IQCM: variants seen among roughly 807,000 people sequenced by gnomAD.
IQCM encodes IQ domain-containing protein M.
Under a neutral mutation model 57.6 loss-of-function variants are expected in IQCM, and 45 were observed. The ratio of observed to expected loss-of-function variants is 0.78; its 90% CI spans 0.62 to 1.00. The LOEUF is 1.00. IQCM is among the 50% of genes least tolerant of loss of function. The pLI is 0.00. For synonymous variants in IQCM, 148 were observed against 158.9 expected, an observed-to-expected ratio of 0.93 and a Z score of 0.51; for missense variants, 468 against 511.6, an observed-to-expected ratio of 0.91 and a Z score of 0.82.
intron 12 of IQCM, among the ~76,000 whole-genome samples, chr4:149,501,599 AC>A (rs1353493904): frequency 6.6e-6 from 1 of 152,242 alleles, no homozygotes; most frequent in Non-Finnish European, 1.5e-5. Flanking sequence ...CAACAAAAAA[AC>A]AATCTGTAGT....
At chr4:149,403,621 G>A (rs768756365) in intron 13 of IQCM, among the ~76,000 whole-genome samples, 2 of 151,652 alleles carry the variant, frequency 1.3e-5, no homozygotes, top group Non-Finnish European at 2.9e-5. Context: ...ATCAGTTCCT[G>A]TATGAGTCTT....
At chr4:149,785,889 A>T (rs1772038490) in intron 2 of IQCM, among the ~76,000 whole-genome samples, 1 of 151,562 alleles carries the variant, frequency 6.6e-6, no homozygotes, top group Non-Finnish European at 1.5e-5. Flanking sequence ...GGCCTGCTTG[A>T]TGTAGTTTGT....
chr4:149,663,590 A>C (rs1321090787), intron 7 of IQCM, among the ~76,000 whole-genome samples: 1 of 151,856 alleles, frequency 6.6e-6, no homozygotes, highest in Non-Finnish European at 1.5e-5. Context: ...TCTAAAGGAA[A>C]CCTTTGCTAG....
chr4:149,616,109 G>A (rs897541715), intron 8 of IQCM, among the ~76,000 whole-genome samples: 1 of 152,094 alleles, frequency 6.6e-6, no homozygotes, highest in African/African-American at 2.4e-5. Context: ...TACACACCCA[G>A]AAGAAGTAAA....
At chr4:149,456,484 T>C (rs1383451580) in intron 12 of IQCM, among the ~76,000 whole-genome samples, 1 of 152,134 alleles carries the variant, frequency 6.6e-6, no homozygotes. Flanking sequence ...ACACATATCC[T>C]GAAGGTAATT....
chr4:149,805,752 G>GA (rs1774021132), intron 2 of IQCM, among the ~76,000 whole-genome samples: 1 of 151,828 alleles, frequency 6.6e-6, no homozygotes, highest in African/African-American at 2.4e-5. Context: ...TGCTTTGAAG[G>GA]AAAAAAACAG....
intron 5 of IQCM, among the ~76,000 whole-genome samples, chr4:149,705,163 T>C (rs902247628): frequency 6.8e-6 from 1 of 146,528 alleles, no homozygotes; most frequent in East Asian, 2.0e-4. Context: ...ATTATAAATA[T>C]ATAAAAATAT....
chr4:149,359,801 C>G (rs1439503994), intron 13 of IQCM, among the ~76,000 whole-genome samples: 1 of 152,142 alleles, frequency 6.6e-6, no homozygotes, highest in African/African-American at 2.4e-5. Flanking sequence ...TTGGCTACTT[C>G]CTGTGAACAC....
At chr4:149,592,744 T>C (rs982119956) in intron 8 of IQCM, among the ~76,000 whole-genome samples, 16 of 152,234 alleles carry the variant, frequency 1.1e-4, no homozygotes, top group Admixed American at 2.0e-4. Flanking sequence ...TTTTGTCAGG[T>C]TTGTCAAAGA....
chr4:149,632,947 G>A (rs568596377), intron 7 of IQCM, among the ~76,000 whole-genome samples: 1 of 150,866 alleles, frequency 6.6e-6, no homozygotes, highest in African/African-American at 2.4e-5. Context: ...GGATCATGAG[G>A]TCAGGAGATC....
chr4:149,363,585 C>T (rs1187790717), intron 13 of IQCM, among the ~76,000 whole-genome samples: 1 of 152,106 alleles, frequency 6.6e-6, no homozygotes, highest in Non-Finnish European at 1.5e-5. Context: ...ACCCTCACTG[C>T]TCCTAGCTCC....
Position 149,621,221 on chromosome 4 carries a change from C to A in IQCM, c.589G>T (p.Gly197Ter). The A allele has an allele frequency of 8.1e-7, 1 of 1,231,482 alleles. No homozygotes were observed. Among genetic ancestry groups the A allele is most frequent in the Non-Finnish European group, 1.0e-6 (1 of 987,358 alleles). The allele number at this position is 1,231,482 out of a possible 1,614,324, so 76.3% of individuals were successfully genotyped here. A position where few individuals can be genotyped will look rare whatever the true frequency, so the allele number is the denominator to read the frequency against. Residue 197 changes from glycine to a stop codon, truncating the protein, a stop_gained, in exon 8 of 14, where the codon GGA becomes TGA. Coordinates refer to ENST00000636793, the MANE Select transcript of IQCM (RefSeq NM_001363507.2). LOFTEE classifies it high-confidence loss of function. ...EPDKAFYDWR[G>*]FVLTRSFRLA... ...CGGAAAGACCTTGTCAGCACAAATC[C>A]TCTCCAGTCATAGAATGCTTTGTCT... is the stretch of plus-strand genomic sequence containing the variant.
At chr4:149,390,895 T>C (rs1461160958) in intron 13 of IQCM, among the ~76,000 whole-genome samples, 1 of 151,860 alleles carries the variant, frequency 6.6e-6, no homozygotes. Context: ...TTTTTTTCTT[T>C]ATATCTGTCT....
intron 9 of IQCM, among the ~76,000 whole-genome samples, chr4:149,572,444 G>A (rs1286669166): frequency 6.6e-6 from 1 of 151,688 alleles, no homozygotes; most frequent in African/African-American, 2.4e-5. Context: ...GCATCACTAA[G>A]CCTGGCTCAT....
In IQCM at chr4:149,682,183, T is replaced by C. The variant is rs1762227814; in HGVS notation, c.500A>G (p.Tyr167Cys). ...TAAGTAAAGATGGACAGGAAAGGGA[T>C]AGAGTAATTCCAACATTCTGTTTCT... Reference protein sequence around the residue: ...ESRNRMLELLYPFPVHLYLQP... With the variant: ...ESRNRMLELLCPFPVHLYLQP... The change falls in exon 7 of 14, where the codon TAT (tyrosine) becomes TGT (cysteine). Residue 167 changes from tyrosine (Y) to cysteine (C), a missense_variant. Tyr to Cys is a radical substitution (Grantham distance 194). Coordinates refer to ENST00000636793, the MANE Select transcript of IQCM (RefSeq NM_001363507.2). 2 of 1,223,830 alleles carry C rather than the reference T, an allele frequency of 1.6e-6. No individual in the cohort carries two copies. Among genetic ancestry groups the C allele is most frequent in the African/African-American group, 1.6e-5 (1 of 64,136 alleles). The allele number at this position is 1,223,830 out of a possible 1,614,324, so 75.8% of individuals were successfully genotyped here.
intron 7 of IQCM, among the ~76,000 whole-genome samples, chr4:149,653,638 G>T (rs934447262): frequency 6.6e-6 from 1 of 152,076 alleles, no homozygotes; most frequent in African/African-American, 2.4e-5. Flanking sequence ...AAATTGAAAA[G>T]ATTTGAGGTG....
chr4:149,419,356 G>T (rs1234982907), intron 13 of IQCM, among the ~76,000 whole-genome samples: 1 of 151,854 alleles, frequency 6.6e-6, no homozygotes, highest in Non-Finnish European at 1.5e-5. Context: ...CAACCATCTG[G>T]TCCTTGACAA....
chr4:149,682,256 A>C (rs1439176400), intron 6 of IQCM, 50 bp from the exon 7 acceptor site: 4 of 778,840 alleles, frequency 5.1e-6, no homozygotes, highest in Non-Finnish European at 7.0e-6. Flanking sequence ...CCTATTTTGT[A>C]ATACAAATCT....
At chr4:149,577,903 C>A (rs1751817258) in intron 9 of IQCM, among the ~76,000 whole-genome samples, 1 of 151,784 alleles carries the variant, frequency 6.6e-6, no homozygotes, top group Non-Finnish European at 1.5e-5. Context: ...TTTCTTTCAG[C>A]AGTGTTTTGT....
Sources: allele counts gnomAD v4.1 joint callset (sites outside exome capture counted in the v4.1 genomes callset), GRCh38; gene constraint gnomAD v4.1.1; transcripts MANE v1.5; gene names NCBI Gene and HGNC (gene_info 2026-07-23, HGNC 2026-07-21).